DAPL1: variants seen among roughly 807,000 people sequenced by gnomAD.
DAPL1 encodes death associated protein like 1.
Under a neutral mutation model 12.9 loss-of-function variants are expected in DAPL1, and 17 were observed. The ratio of observed to expected loss-of-function variants is 1.32; its 90% CI spans 0.90 to 1.98. DAPL1 has a LOEUF of 1.98. Ranked by LOEUF, DAPL1 falls within the 30% of genes most tolerant of loss-of-function variation. The probability of loss-of-function intolerance (pLI) is 0.00; values close to 1 mark genes in which losing one functional copy is unlikely to be tolerated. For synonymous variants in DAPL1, 51 were observed against 42.0 expected (o/e 1.21, Z -0.82); for missense variants, 157 against 125.7 (o/e 1.25, Z -1.19).
At chr2:158,812,088 G>A (rs1317421274) in intron 3 of DAPL1, among the ~76,000 whole-genome samples, 1 of 152,206 alleles carries the variant, frequency 6.6e-6, no homozygotes, top group East Asian at 1.9e-4. Flanking sequence ...GTAGGGAGAT[G>A]AGAAGGAGAA....
At chr2:158,798,700 C>G (rs759716574) in intron 1 of DAPL1, among the ~76,000 whole-genome samples, 1 of 152,086 alleles carries the variant, frequency 6.6e-6, no homozygotes, top group Non-Finnish European at 1.5e-5. Flanking sequence ...CCCTCTTACT[C>G]TAAAGCCTTT....
At chr2:158,800,738 C>T (rs1454503410) in intron 1 of DAPL1, among the ~76,000 whole-genome samples, 2 of 152,182 alleles carry the variant, frequency 1.3e-5, no homozygotes, top group Admixed American at 1.3e-4. Flanking sequence ...TCCCTAGTTC[C>T]TCATGTAGCA....
rs930529583 is a variant in DAPL1, at chr2:158,813,617, C to A, written c.208-2088C>A. On this transcript the variant is annotated intron_variant, in intron 3 of 3. Transcript: ENST00000309950. ...GTCGCCCAGGCTGGAGTGCAGTGAC[C>A]CGATCTCGGCTCACTGCAACCTCCG... is the stretch of plus-strand genomic sequence containing the variant. 1.1e-4 allele frequency among the ~76,000 whole-genome samples: 17 copies of A among 150,322 alleles called. 1 individual carries two copies. Among genetic ancestry groups the A allele is most frequent in the Admixed American group, 3.3e-4 (5 of 15,108 alleles).
At chr2:158,808,882 T>G (rs2059215666) in intron 3 of DAPL1, among the ~76,000 whole-genome samples, 1 of 152,230 alleles carries the variant, frequency 6.6e-6, no homozygotes, top group African/African-American at 2.4e-5. Flanking sequence ...TGCTGTGTAT[T>G]AGGTATGATG....
intron 3 of DAPL1, among the ~76,000 whole-genome samples, chr2:158,809,244 G>A (rs1334408431): frequency 1.3e-5 from 2 of 151,192 alleles, no homozygotes; most frequent in African/African-American, 2.4e-5. Flanking sequence ...TGTAATCCCA[G>A]CTACTCAGGA....
At chr2:158,799,150 G>T (rs2059151743) in intron 1 of DAPL1, among the ~76,000 whole-genome samples, 1 of 152,084 alleles carries the variant, frequency 6.6e-6, no homozygotes, top group South Asian at 2.1e-4. Flanking sequence ...CTTAAATTTA[G>T]GTTTTCTAGT....
chr2:158,801,842 CAATAT>C (rs1486400420), intron 1 of DAPL1, among the ~76,000 whole-genome samples: 1 of 151,836 alleles, frequency 6.6e-6, no homozygotes, highest in African/African-American at 2.4e-5. Context: ...GTAACTGGTA[CAATAT>C]AATATTTTAT....
intron 2 of DAPL1, among the ~76,000 whole-genome samples, chr2:158,805,157 C>T (rs1239177335): frequency 6.6e-6 from 1 of 152,164 alleles, no homozygotes; most frequent in East Asian, 1.9e-4. Context: ...AGAGTTAAAC[C>T]ATATCAGAAA....
At chr2:158,812,852 C>A (rs2059238527) in intron 3 of DAPL1, among the ~76,000 whole-genome samples, 1 of 151,324 alleles carries the variant, frequency 6.6e-6, no homozygotes, top group Non-Finnish European at 1.5e-5. Flanking sequence ...CCAGCAATTC[C>A]ACTTCTTCCA....
At chr2:158,807,550 T>C (rs2059209235) in intron 3 of DAPL1, 1 of 157,530 alleles carries the variant, frequency 6.3e-6, no homozygotes, top group Admixed American at 6.5e-5. Context: ...TGGTCTAGGG[T>C]TGGAGGAAGG....
At chr2:158,802,689 TG>T (rs1374554428) in intron 1 of DAPL1, among the ~76,000 whole-genome samples, 2 of 152,220 alleles carry the variant, frequency 1.3e-5, no homozygotes, top group African/African-American at 4.8e-5. Flanking sequence ...TGAAAAACAG[TG>T]TGTTTGTGCA....
chr2:158,800,291 G>A (rs1165427565), intron 1 of DAPL1, among the ~76,000 whole-genome samples: 6 of 151,946 alleles, frequency 3.9e-5, no homozygotes, highest in African/African-American at 1.5e-4. Flanking sequence ...ATACACTGAG[G>A]TACAAAAAAC....
At chr2:158,808,702 C>T (rs2059214525) in intron 3 of DAPL1, among the ~76,000 whole-genome samples, 1 of 152,136 alleles carries the variant, frequency 6.6e-6, no homozygotes, top group African/African-American at 2.4e-5. Flanking sequence ...ACATAAGCTG[C>T]CTGCTCCCAC....
Position 158,807,060 on chromosome 2 carries a change from T to A in DAPL1, c.152T>A (p.Ile51Asn), listed in dbSNP as rs1181407094. The A allele has an allele frequency of 6.2e-7, 1 of 1,612,614 alleles. No individual in the cohort carries two copies. The highest frequency in any genetic ancestry group is 2.2e-5 in the East Asian group (1 of 44,846). Residue 51 changes from isoleucine (I) to asparagine (N), a missense_variant, in exon 3 of 4, where the codon ATT (isoleucine) becomes AAT (asparagine). Transcript: ENST00000309950. ...GTTTCTTTTCATCTTCACAGTGCCA[T>A]TGCAAATGTTGCCAAAATACAGACA... ...KKTGFEKTSAIANVAKIQTLD... is the reference protein window; with the variant it reads ...KKTGFEKTSANANVAKIQTLD...
intron 3 of DAPL1, among the ~76,000 whole-genome samples, chr2:158,815,011 C>T (rs1013543336): frequency 6.6e-6 from 1 of 152,208 alleles, no homozygotes; most frequent in African/African-American, 2.4e-5. Flanking sequence ...GTAAATTCCA[C>T]AAGGTCTCTG....
At chr2:158,813,711 A>T (rs773558823) in intron 3 of DAPL1, among the ~76,000 whole-genome samples, 1 of 151,536 alleles carries the variant, frequency 6.6e-6, no homozygotes, top group Non-Finnish European at 1.5e-5. Context: ...GCTCGCCACC[A>T]TGCCCGGCTA....
chr2:158,813,666 C>T (rs538586937), intron 3 of DAPL1, among the ~76,000 whole-genome samples: 150 of 151,750 alleles, frequency 9.9e-4, no homozygotes, highest in African/African-American at 3.6e-3. Context: ...TGCCATTCTC[C>T]TGCCTCAGCC....
At chr2:158,795,993 A>G (rs967845738) in intron 1 of DAPL1, among the ~76,000 whole-genome samples, 1 of 152,174 alleles carries the variant, frequency 6.6e-6, no homozygotes, top group Non-Finnish European at 1.5e-5. Flanking sequence ...AAGACACAGG[A>G]CTTGAGGAGG....
chr2:158,807,178 G>T, intron 3 of DAPL1, 63 bp downstream of exon 3: 1 of 1,353,762 alleles, frequency 7.4e-7, no homozygotes, highest in Non-Finnish European at 1.0e-6. Context: ...CAGCTGCATG[G>T]GTGAATGAGC....
Sources: allele counts gnomAD v4.1 joint callset (sites outside exome capture counted in the v4.1 genomes callset), GRCh38; gene constraint gnomAD v4.1.1; transcripts MANE v1.5; gene names NCBI Gene and HGNC (gene_info 2026-07-23, HGNC 2026-07-21).